The following NR3C2 variants were observed in gnomAD, a reference collection of about 807,000 sequenced individuals.
NR3C2 encodes the protein nuclear receptor subfamily 3 group C member 2, also known as mineralocorticoid receptor.
A neutral mutation model predicts 86.4 loss-of-function variants in NR3C2; 15 were observed. The observed-to-expected ratio is 0.17, with a 90% CI of 0.12 to 0.27. The LOEUF is 0.27. Among genes scored for constraint, NR3C2 ranks in the 10% least tolerant of loss-of-function variants. The pLI, the probability that NR3C2 is intolerant of heterozygous loss-of-function variation, is 1.00. For synonymous variants in NR3C2, 458 were observed against 450.5 expected (o/e 1.02, Z -0.21); for missense variants, 960 against 1,195.6 (o/e 0.80, Z 2.91).
chr4:148,190,198 G>T (rs1736131087), intron 4 of NR3C2, among the ~76,000 whole-genome samples: 1 of 152,124 alleles, frequency 6.6e-6, no homozygotes. Flanking sequence ...TCTCAGCATT[G>T]CCTCTGCTGT....
At chr4:148,419,938 C>T (rs1003327765) in intron 2 of NR3C2, among the ~76,000 whole-genome samples, 13 of 152,142 alleles carry the variant, frequency 8.5e-5, no homozygotes, top group African/African-American at 3.1e-4. Context: ...ACTGTATGAT[C>T]AGTTTTTGAA....
intron 3 of NR3C2, among the ~76,000 whole-genome samples, chr4:148,223,024 G>C (rs1737941967): frequency 6.6e-6 from 1 of 152,028 alleles, no homozygotes; most frequent in Non-Finnish European, 1.5e-5. Context: ...AGATAATATG[G>C]GCAATGGAGC....
At chr4:148,344,013 T>C (rs1218022988) in intron 2 of NR3C2, among the ~76,000 whole-genome samples, 1 of 152,154 alleles carries the variant, frequency 6.6e-6, no homozygotes, top group Non-Finnish European at 1.5e-5. Flanking sequence ...AATTAATTGC[T>C]AAATGGCAAC....
At chr4:148,301,548 G>A (rs1054936206) in intron 2 of NR3C2, among the ~76,000 whole-genome samples, 11 of 152,156 alleles carry the variant, frequency 7.2e-5, no homozygotes, top group African/African-American at 2.2e-4. Context: ...ATGGCTTTTC[G>A]ATAAATTGAG....
chr4:148,263,316 T>C (rs558112356), intron 2 of NR3C2, among the ~76,000 whole-genome samples: 55 of 152,354 alleles, frequency 3.6e-4, no homozygotes, highest in Non-Finnish European at 1.6e-4. Flanking sequence ...CATCTGCTAG[T>C]TACCCAGGTT....
intron 2 of NR3C2, among the ~76,000 whole-genome samples, chr4:148,286,819 CA>C (rs1230900232): frequency 2.6e-5 from 4 of 152,014 alleles, no homozygotes; most frequent in Admixed American, 1.3e-4. Context: ...ACAATAACAG[CA>C]AAAAAATTCT....
At chr4:148,108,922 G>A (rs372573526) in intron 8 of NR3C2, among the ~76,000 whole-genome samples, 17 of 152,314 alleles carry the variant, frequency 1.1e-4, no homozygotes, top group African/African-American at 2.6e-4. Context: ...AATCTGGAGC[G>A]CCGGAGGGTG....
chr4:148,254,108 C>T (rs1201073078), intron 3 of NR3C2, among the ~76,000 whole-genome samples: 1 of 152,128 alleles, frequency 6.6e-6, no homozygotes, highest in Non-Finnish European at 1.5e-5. Flanking sequence ...CCTGATAGCC[C>T]TGGTCTAGGT....
At chr4:148,129,498 T>G (rs896710192) in intron 6 of NR3C2, among the ~76,000 whole-genome samples, 4 of 152,196 alleles carry the variant, frequency 2.6e-5, no homozygotes, top group African/African-American at 9.7e-5. Flanking sequence ...GAAGGCAAAT[T>G]TTGTTATGTG....
intron 4 of NR3C2, among the ~76,000 whole-genome samples, chr4:148,182,941 GTAT>G (rs1385750920): frequency 6.6e-6 from 1 of 152,152 alleles, no homozygotes; most frequent in Non-Finnish European, 1.5e-5. Context: ...TATACATTAG[GTAT>G]TTCTCCTAAT....
At chr4:148,394,398 A>C (rs186975678) in intron 2 of NR3C2, among the ~76,000 whole-genome samples, 60 of 152,164 alleles carry the variant, frequency 3.9e-4, no homozygotes, top group African/African-American at 1.2e-3. Context: ...AAAACAAAAC[A>C]ACCAGGCATG....
chr4:148,281,096 T>G (rs951412428), intron 2 of NR3C2, among the ~76,000 whole-genome samples: 3 of 152,340 alleles, frequency 2.0e-5, no homozygotes, highest in Non-Finnish European at 2.9e-5. Flanking sequence ...TGAGACTTCA[T>G]TCTTTTTCCC....
chr4:148,368,102 C>T (rs1746240086), intron 2 of NR3C2, among the ~76,000 whole-genome samples: 1 of 152,102 alleles, frequency 6.6e-6, no homozygotes, highest in African/African-American at 2.4e-5. Flanking sequence ...CTAAATGTCT[C>T]TCAGATGCAT....
At chr4:148,212,982 A>C (rs1737354220) in intron 3 of NR3C2, among the ~76,000 whole-genome samples, 1 of 152,222 alleles carries the variant, frequency 6.6e-6, no homozygotes, top group Non-Finnish European at 1.5e-5. Flanking sequence ...AAAACTGTTA[A>C]GAGATCACAG....
At chr4:148,392,700 A>G (rs957089730) in intron 2 of NR3C2, among the ~76,000 whole-genome samples, 2 of 152,228 alleles carry the variant, frequency 1.3e-5, no homozygotes, top group South Asian at 4.1e-4. Context: ...AGAGCTCACT[A>G]TATCTAAAAA....
At chr4:148,217,713 T>C (rs185413739) in intron 3 of NR3C2, among the ~76,000 whole-genome samples, 1 of 152,330 alleles carries the variant, frequency 6.6e-6, no homozygotes, top group African/African-American at 2.4e-5. Flanking sequence ...TCCAGAATAG[T>C]GAATTCTGCG....
chr4:148,189,177 C>G lies in NR3C2; in HGVS notation c.2014+5569G>C, dbSNP rs143754834. ...CTCCTAATCTCAGGTGATCCTCCCA[C>G]CTCAGTCTCCCAAAGTGTTGGCATT... On this transcript the variant is annotated intron_variant, in intron 4 of 8. Transcript: ENST00000358102. Among the ~76,000 whole-genome samples the G allele has an allele frequency of 7.6e-3, 1,158 of 152,238 alleles. 10 individuals carry two copies. Among genetic ancestry groups the G allele is most frequent in the African/African-American group, 0.026 (1,073 of 41,534 alleles).
chr4:148,096,825 A>T (rs1731297515), intron 8 of NR3C2, among the ~76,000 whole-genome samples: 1 of 152,240 alleles, frequency 6.6e-6, no homozygotes, highest in Admixed American at 6.5e-5. Flanking sequence ...ACAGCTGAGT[A>T]GCTGTAACCA....
At position 148,379,305 on chromosome 4, in the gene NR3C2, A is replaced by G. The variant is rs368598530; in HGVS notation, c.1757+55799T>C. ...AATTGAAGTCGTTAGAAATTCATCA[A>G]TGAATCCTGTCAGGCATATAGCTAG... On this transcript the variant is annotated intron_variant, in intron 2 of 8. Coordinates refer to ENST00000358102, the MANE Select transcript of NR3C2 (RefSeq NM_000901.5). Among the ~76,000 whole-genome samples the G allele has an allele frequency of 8.5e-5, 13 of 152,294 alleles. No homozygotes were observed. In the East Asian group the frequency reaches 1.5e-3, roughly 18 times the overall value.
Sources: gnomAD v4.1 joint callset for allele counts (sites outside exome capture counted in the v4.1 genomes callset) on GRCh38, gnomAD v4.1.1 for gene constraint, MANE v1.5 for transcripts, NCBI Gene and HGNC (gene_info 2026-07-23, HGNC 2026-07-21) for gene names.